The following SKIC3 variants were observed in gnomAD, a reference collection of about 807,000 sequenced individuals.
SKIC3 encodes the protein superkiller complex protein 3.
the SKIC3 span, among the ~76,000 whole-genome samples, chr5:95,475,727 C>A: frequency 6.6e-6 from 1 of 152,218 alleles, no homozygotes; most frequent in South Asian, 2.1e-4. Context: ...GGGCTCTGTA[C>A]AGGATCTTTA....
chr5:95,525,711 T>C, the SKIC3 span: 11 of 1,577,598 alleles, frequency 7.0e-6, no homozygotes, highest in African/African-American at 9.4e-5. Flanking sequence ...TAAATCTCCT[T>C]CAACACAACC....
the SKIC3 span, chr5:95,550,630 T>A: frequency 6.6e-6 from 1 of 152,450 alleles, no homozygotes; most frequent in Non-Finnish European, 1.5e-5. Context: ...TGAATTTGAT[T>A]GTTCCTTACC....
At chr5:95,530,376 C>A in the SKIC3 span, 6 of 725,196 alleles carry the variant, frequency 8.3e-6, no homozygotes, top group East Asian at 1.6e-4. Flanking sequence ...TTAAATAGAC[C>A]AGCAAATGCA....
At chr5:95,523,764 C>T in the SKIC3 span, 1 of 1,613,582 alleles carries the variant, frequency 6.2e-7, no homozygotes, top group Non-Finnish European at 8.5e-7. Context: ...GTTTTTATCT[C>T]CCACTACGTC....
the SKIC3 span, chr5:95,525,659 A>T: frequency 6.2e-7 from 1 of 1,614,062 alleles, no homozygotes; most frequent in South Asian, 1.1e-5. Context: ...CTGGGATATT[A>T]TCTGCATCAG....
the SKIC3 span, among the ~76,000 whole-genome samples, chr5:95,554,225 A>AG: frequency 7.1e-4 from 108 of 152,302 alleles, no homozygotes; most frequent in Non-Finnish European, 1.2e-3. Flanking sequence ...GCAAAAAAAA[A>AG]CCTGCCAGAT....
chr5:95,540,742 G>A, the SKIC3 span: 2 of 1,614,098 alleles, frequency 1.2e-6, no homozygotes, highest in South Asian at 1.1e-5. Flanking sequence ...CAGGAACTGA[G>A]TCAATTTTCT....
chr5:95,551,764 A>G, the SKIC3 span, among the ~76,000 whole-genome samples: 6 of 152,196 alleles, frequency 3.9e-5, no homozygotes, highest in African/African-American at 1.2e-4. Context: ...CTAGGATCAA[A>G]GCCATTAGGC....
At chr5:95,466,871 T>G in the SKIC3 span, among the ~76,000 whole-genome samples, 4 of 152,194 alleles carry the variant, frequency 2.6e-5, no homozygotes, top group Non-Finnish European at 5.9e-5. Flanking sequence ...TTTGCTTCCT[T>G]ACTATAAAAT....
At chr5:95,514,193 A>AATTATTCATTATATT in the SKIC3 span, among the ~76,000 whole-genome samples, 1 of 152,178 alleles carries the variant, frequency 6.6e-6, no homozygotes, top group African/African-American at 2.4e-5. Flanking sequence ...ACTGCTTACT[A>AATTATTCATTATATT]ATTCATTATA....
the SKIC3 span, chr5:95,514,837 A>G: frequency 1.9e-6 from 3 of 1,609,534 alleles, no homozygotes; most frequent in Admixed American, 1.7e-5. Context: ...ATTAGTAACT[A>G]TATGTTATAT....
At chr5:95,549,738 C>CT in the SKIC3 span, among the ~76,000 whole-genome samples, 2 of 151,008 alleles carry the variant, frequency 1.3e-5, no homozygotes, top group Non-Finnish European at 3.0e-5. Flanking sequence ...CTACTACTTC[C>CT]TTTTTTTTTA....
chr5:95,490,791 C>A, the SKIC3 span: 6 of 1,358,540 alleles, frequency 4.4e-6, no homozygotes, highest in Non-Finnish European at 6.1e-6. Context: ...AGCCACCATG[C>A]CCGGCCTAAT....
chr5:95,512,470 A>T, the SKIC3 span: 2 of 1,613,484 alleles, frequency 1.2e-6, no homozygotes, highest in Non-Finnish European at 1.7e-6. Context: ...TATAACAGGT[A>T]CCTTACCTAC....
At chr5:95,484,648 C>T in the SKIC3 span, 3 of 1,603,514 alleles carry the variant, frequency 1.9e-6, no homozygotes, top group Non-Finnish European at 2.6e-6. Flanking sequence ...CATCTAGCCT[C>T]ATACATTCCA....
chr5:95,490,734 G>A, the SKIC3 span, among the ~76,000 whole-genome samples: 1 of 151,950 alleles, frequency 6.6e-6, no homozygotes, highest in Non-Finnish European at 1.5e-5. Flanking sequence ...TCCTGACCTC[G>A]TGATCTGCCC....
At chr5:95,522,401 A>G in the SKIC3 span, 1 of 1,457,760 alleles carries the variant, frequency 6.9e-7, no homozygotes, top group African/African-American at 1.4e-5. Flanking sequence ...GTAAACATAT[A>G]TATCTGTGGC....
the SKIC3 span, among the ~76,000 whole-genome samples, chr5:95,467,381 C>T: frequency 2.0e-5 from 3 of 152,238 alleles, no homozygotes; most frequent in South Asian, 2.1e-4. Context: ...CAACTGATCA[C>T]GACCCCAAGG....
the SKIC3 span, chr5:95,468,086 T>C: frequency 1.3e-5 from 20 of 1,499,584 alleles, no homozygotes; most frequent in South Asian, 1.9e-4. Flanking sequence ...TCTCATATTT[T>C]TGCAGATGTA....
Sources: allele counts gnomAD v4.1 joint callset (sites outside exome capture counted in the v4.1 genomes callset), GRCh38; gene constraint gnomAD v4.1.1; transcripts MANE v1.5; gene names NCBI Gene and HGNC (gene_info 2026-07-23, HGNC 2026-07-21).